Variants in PDHX observed in about 807,000 individuals in gnomAD.
PDHX encodes pyruvate dehydrogenase protein X component, mitochondrial.
A neutral mutation model predicts 55.3 loss-of-function variants in PDHX; 33 were observed. The observed-to-expected ratio is 0.60, with a 90% CI of 0.45 to 0.80. PDHX has a LOEUF of 0.80. Ranked by LOEUF, PDHX falls within the 30% of genes least tolerant of loss-of-function variation. PDHX has a pLI of 0.00. For missense variants in PDHX, 622 were observed against 619.9 expected (o/e 1.00, Z -0.04); for synonymous variants, 226 against 219.4 (o/e 1.03, Z -0.27).
chr11:34,947,032 G>T (rs923242607), intron 2 of PDHX, among the ~76,000 whole-genome samples: 1 of 152,096 alleles, frequency 6.6e-6, no homozygotes, highest in Admixed American at 6.6e-5. Flanking sequence ...TGCTTTATAT[G>T]CTTTATTCAT....
intron 7 of PDHX, among the ~76,000 whole-genome samples, chr11:34,973,843 T>A (rs1338607537): frequency 6.6e-6 from 1 of 151,804 alleles, no homozygotes; most frequent in Non-Finnish European, 1.5e-5. Context: ...TTATCTGTAC[T>A]TTTTTTCATT....
chr11:34,970,197 C>T lies in PDHX; in HGVS notation c.875C>T (p.Thr292Ile). The T allele has an allele frequency of 6.2e-7, 1 of 1,612,446 alleles. No homozygotes were observed. The highest frequency in any genetic ancestry group is 1.1e-5 in the South Asian group (1 of 91,056). Residue 292 changes from threonine to isoleucine, a missense_variant, in exon 7 of 11, where the codon ACT becomes ATT. Coordinates refer to ENST00000227868, the MANE Select transcript of PDHX (RefSeq NM_003477.3). ...NIRRVIAKRLTESKSTVPHAY... is the reference protein window; with the variant it reads ...NIRRVIAKRLIESKSTVPHAY... ...CGAAGAGTTATTGCCAAGAGATTAA[C>T]TGAATCTAAAAGTACTGTACCTCAT...
At chr11:34,923,236 A>G (rs1011420876) in intron 1 of PDHX, among the ~76,000 whole-genome samples, 5 of 152,152 alleles carry the variant, frequency 3.3e-5, no homozygotes, top group African/African-American at 1.2e-4. Flanking sequence ...TACATTTACT[A>G]TAGCTAGTGA....
chr11:34,962,604 A>C (rs942632378), intron 5 of PDHX, among the ~76,000 whole-genome samples: 11 of 152,196 alleles, frequency 7.2e-5, no homozygotes, highest in African/African-American at 2.7e-4. Context: ...ATAATAAAGC[A>C]ATAGTTATAA....
chr11:34,995,129 A>G lies in PDHX; in HGVS notation c.1463A>G (p.Lys488Arg). The G allele has an allele frequency of 6.2e-7, 1 of 1,614,040 alleles. No individual in the cohort carries two copies. The highest frequency in any genetic ancestry group is 8.5e-7 in the Non-Finnish European group (1 of 1,179,912). ...GACGAACTGGCAACCAGGTTTCTTA[A>G]AAGTTTTAAAGCAAACCTAGAGAAT... ...VDDELATRFL[K>R]SFKANLENPI... Residue 488 changes from lysine (K) to arginine (R), a missense_variant, in exon 11 of 11, where the codon AAA (lysine) becomes AGA (arginine). Transcript: ENST00000227868.
At chr11:34,924,790 T>C (rs1853978539) in intron 1 of PDHX, among the ~76,000 whole-genome samples, 1 of 152,192 alleles carries the variant, frequency 6.6e-6, no homozygotes. Flanking sequence ...GTACAGTGGA[T>C]CTCTGCCCCA....
intron 1 of PDHX, among the ~76,000 whole-genome samples, chr11:34,922,888 G>A (rs1853923755): frequency 2.0e-5 from 2 of 98,686 alleles, no homozygotes; most frequent in Non-Finnish European, 5.3e-5. Context: ...GTGTGTGTGT[G>A]TGTGTGTGTG....
At chr11:34,936,598 A>T (rs1447207360) in intron 2 of PDHX, among the ~76,000 whole-genome samples, 1 of 152,070 alleles carries the variant, frequency 6.6e-6, no homozygotes, top group Admixed American at 6.5e-5. Flanking sequence ...TGTCACTGAG[A>T]CATACTTTTG....
chr11:34,922,101 G>A (rs988242554), intron 1 of PDHX, among the ~76,000 whole-genome samples: 12 of 152,190 alleles, frequency 7.9e-5, no homozygotes, highest in Admixed American at 4.6e-4. Context: ...AACATCTTCT[G>A]TTACCACAGC....
upstream of PDHX, chr11:34,916,215 G>GC (rs1159425995): frequency 4.2e-5 from 68 of 1,607,010 alleles, no homozygotes; most frequent in Non-Finnish European, 5.3e-5. Flanking sequence ...GGCACCGGTG[G>GC]CCCCGCCCCT....
At chr11:34,950,117 G>A (rs1038940741) in intron 3 of PDHX, among the ~76,000 whole-genome samples, 6 of 151,654 alleles carry the variant, frequency 4.0e-5, no homozygotes, top group Admixed American at 3.3e-4. Context: ...TACTGTATTC[G>A]TTAGATACCC....
chr11:34,993,436 C>T (rs1304528360), intron 10 of PDHX, among the ~76,000 whole-genome samples: 1 of 152,176 alleles, frequency 6.6e-6, no homozygotes, highest in East Asian at 1.9e-4. Context: ...TTACTTTTCA[C>T]ATGTAGATCA....
chr11:34,954,596 C>T (rs973631567), intron 3 of PDHX, among the ~76,000 whole-genome samples: 1 of 152,198 alleles, frequency 6.6e-6, no homozygotes, highest in Non-Finnish European at 1.5e-5. Flanking sequence ...CATGCTAAGC[C>T]TTTAAGCATG....
rs1301582299 is a variant in PDHX, at chr11:34,957,410, G to C, written c.369G>C (p.Arg123=). The change falls in exon 4 of 11, where the codon CGG becomes CGC. Residue 123 remains arginine, a synonymous_variant. Transcript: ENST00000227868. ...IVVEEGSKNI[R]LGSLIGLIVE... The stretch of plus-strand genomic sequence containing the variant: ...TTGAAGAAGGAAGTAAAAATATACG[G>C]CTAGGTTCACTAATTGGTTTGATAG... 2 of 1,611,458 alleles carry C rather than the reference G, an allele frequency of 1.2e-6. No homozygotes were observed. The highest frequency in any genetic ancestry group is 1.7e-6 in the Non-Finnish European group (2 of 1,177,636).
intron 7 of PDHX, among the ~76,000 whole-genome samples, chr11:34,975,643 G>T (rs1855351683): frequency 6.6e-6 from 1 of 152,006 alleles, no homozygotes; most frequent in African/African-American, 2.4e-5. Context: ...ACCATACTCT[G>T]CCCTCTTTAC....
intron 10 of PDHX, among the ~76,000 whole-genome samples, chr11:34,993,568 A>G (rs1288470692): frequency 2.0e-5 from 3 of 152,014 alleles, no homozygotes; most frequent in Non-Finnish European, 4.4e-5. Context: ...TTTTCATAGC[A>G]TTGAAAAGGT....
In PDHX at chr11:34,970,076, G is replaced by T; in HGVS notation, c.817-63G>T. On this transcript the variant is annotated intron_variant, in intron 6 of 10. Coordinates refer to ENST00000227868, the MANE Select transcript of PDHX (RefSeq NM_003477.3). ...TTTCTTTTCATTTATAAAGTTGCTT[G>T]TTTTTTGTTTTATTTTTCTATTCCA... 1.4e-6 allele frequency: 2 copies of T among 1,443,078 alleles called. No individual in the cohort carries two copies. The highest frequency in any genetic ancestry group is 1.9e-6 in the Non-Finnish European group (2 of 1,026,762). The allele number at this position is 1,443,078 out of a possible 1,614,324, so 89.4% of individuals were successfully genotyped here.
chr11:34,984,075 AG>A (rs1279677297), intron 8 of PDHX, among the ~76,000 whole-genome samples: 6 of 152,308 alleles, frequency 3.9e-5, no homozygotes, highest in African/African-American at 1.4e-4. Flanking sequence ...ACCAAAACAG[AG>A]ATATAGACCA....
chr11:34,927,498 C>T (rs939253671), intron 1 of PDHX, among the ~76,000 whole-genome samples: 3 of 151,994 alleles, frequency 2.0e-5, no homozygotes, highest in Non-Finnish European at 4.4e-5. Flanking sequence ...GAAAAGTCTA[C>T]ACTATCTTAG....
Sources: allele counts gnomAD v4.1 joint callset (sites outside exome capture counted in the v4.1 genomes callset), GRCh38; gene constraint gnomAD v4.1.1; transcripts MANE v1.5; gene names NCBI Gene and HGNC (gene_info 2026-07-23, HGNC 2026-07-21).